THEM6: variants seen among roughly 807,000 people sequenced by gnomAD.
THEM6 encodes the protein thioesterase superfamily member 6, also known as protein THEM6.
Under a neutral mutation model 13.7 loss-of-function variants are expected in THEM6, and 10 were observed. The observed-to-expected ratio is 0.73, with a 90% CI of 0.45 to 1.24. The LOEUF (loss-of-function observed/expected upper bound fraction) is 1.24, where lower values mean the gene tolerates loss of function less well. Ranked by LOEUF, THEM6 falls within the 50% of genes most tolerant of loss-of-function variation. THEM6 has a pLI of 0.00. For synonymous variants in THEM6, 161 were observed against 156.0 expected, an observed-to-expected ratio of 1.03 and a Z score of -0.24; for missense variants, 317 against 312.6, an observed-to-expected ratio of 1.01 and a Z score of -0.11.
Position 142,727,711 on chromosome 8 carries a change from G to C in THEM6, c.365G>C (p.Arg122Pro). The change falls in exon 1 of 2, where the codon CGC becomes CCC. Residue 122 changes from arginine to proline, a missense_variant. Physicochemically the swap from Arg to Pro is moderately radical, Grantham distance 103 (BLOSUM62 -2). Transcript: ENST00000336138. Reference sequence around the variant, plus strand: ...CTGGAGCCCTTCGAGGTGCGCACCCGCCTGCTGGGCTGGGACGACCGCGCG... The same window carrying C: ...CTGGAGCCCTTCGAGGTGCGCACCCCCCTGCTGGGCTGGGACGACCGCGCG... ...RLLEPFEVRT[R>P]LLGWDDRAFY... 2 of 1,433,114 alleles carry C rather than the reference G, an allele frequency of 1.4e-6. No homozygotes were observed. The highest frequency in any genetic ancestry group is 2.4e-4 in the Middle Eastern group (1 of 4,096). The allele number at this position is 1,433,114 out of a possible 1,614,324, so 88.8% of individuals were successfully genotyped here. A position where few individuals can be genotyped will look rare whatever the true frequency, so the allele number is the denominator to read the frequency against.
Position 142,727,932 on chromosome 8 carries a change from C to T in THEM6, c.513+73C>T, listed in dbSNP as rs587743204. 8.1e-5 allele frequency: 109 copies of T among 1,348,038 alleles called. No individual in the cohort carries two copies. In the East Asian group the frequency reaches 3.3e-3, roughly 40 times the overall value. 83.5% of individuals were successfully genotyped at this position (1,348,038 alleles called of 1,614,324 possible). On this transcript the variant is annotated intron_variant, in intron 1 of 1. Transcript: ENST00000336138. ...TCCGGGGGCTCCTCCTAGTCCCTGG[C>T]CCCCTCCCCTAGGGAAGGCCCGCTG...
rs1815758679 is a variant in THEM6 at position 142,736,184 on chromosome 8, G to C, written c.*745G>C. On this transcript the variant is annotated 3_prime_UTR_variant, in exon 2 of 2. Coordinates refer to ENST00000336138, the MANE Select transcript of THEM6 (RefSeq NM_016647.3). ...GGAAAGACAGCAGGCTTCCTGCTGG[G>C]CGTTCCCTTGTTGGAGGGAATAGAG... 1 of 152,472 alleles carries C rather than the reference G, an allele frequency of 6.6e-6. No individual in the cohort carries two copies. Among genetic ancestry groups the C allele is most frequent in the African/African-American group, 2.4e-5 (1 of 41,454 alleles). 9.4% of individuals were successfully genotyped at this position (152,472 alleles called of 1,614,324 possible). A position where few individuals can be genotyped will look rare whatever the true frequency, so the allele number is the denominator to read the frequency against.
chr8:142,728,807 A>G (rs1815577479), intron 1 of THEM6, among the ~76,000 whole-genome samples: 2 of 152,192 alleles, frequency 1.3e-5, no homozygotes, highest in Admixed American at 6.5e-5. Flanking sequence ...TGTTCCTGTA[A>G]GAGGAGGAAC....
In THEM6 at chr8:142,736,816, G is replaced by C. The variant is rs887107181; in HGVS notation, c.*1377G>C. The C allele has an allele frequency of 2.0e-5, 3 of 152,294 alleles. No homozygotes were observed. The highest frequency in any genetic ancestry group is 4.4e-5 in the Non-Finnish European group (3 of 68,086). The allele number at this position is 152,294 out of a possible 1,614,324, so 9.4% of individuals were successfully genotyped here. On this transcript the variant is annotated 3_prime_UTR_variant, in exon 2 of 2. Coordinates refer to ENST00000336138, the MANE Select transcript of THEM6 (RefSeq NM_016647.3). ...AGAGTCAAGGGCTGCAGCACTGCCCGATAGAACACGCCCGCCCTCACTGCT... is the reference window on the plus strand; with the variant it reads ...AGAGTCAAGGGCTGCAGCACTGCCCCATAGAACACGCCCGCCCTCACTGCT...
intron 1 of THEM6, among the ~76,000 whole-genome samples, chr8:142,733,177 G>A (rs111264454): frequency 0.012 from 1,900 of 152,312 alleles, 40 homozygotes; most frequent in African/African-American, 0.043. Flanking sequence ...GAGAACAAAG[G>A]AAGGAAGTAA....
chr8:142,727,630 G>C lies in THEM6; in HGVS notation c.284G>C (p.Arg95Pro). 1.3e-6 allele frequency: 2 copies of C among 1,490,882 alleles called. No individual in the cohort carries two copies. The highest frequency in any genetic ancestry group is 1.8e-6 in the Non-Finnish European group (2 of 1,128,674). The allele number at this position is 1,490,882 out of a possible 1,614,324, so 92.4% of individuals were successfully genotyped here. A position where few individuals can be genotyped will look rare whatever the true frequency, so the allele number is the denominator to read the frequency against. ...GTGCTCGGGGCGCTGAGGGAGTTGC[G>C]GGCGCACACGGTGCTGGCGGCCTCG... Reference protein sequence around the residue: ...CGVLGALRELRAHTVLAASCA... With the variant: ...CGVLGALRELPAHTVLAASCA... The change falls in exon 1 of 2, where the codon CGG becomes CCG. Residue 95 changes from arginine (R) to proline (P), a missense_variant. Arg to Pro is a moderately radical substitution (Grantham distance 103). Transcript: ENST00000336138.
rs1465922198 is a variant in THEM6 at position 142,727,406 on chromosome 8, C to G, written c.60C>G (p.Asp20Glu). The G allele has an allele frequency of 6.5e-7, 1 of 1,533,078 alleles. No homozygotes were observed. Among genetic ancestry groups the G allele is most frequent in the African/African-American group, 1.4e-5 (1 of 71,008 alleles). 95.0% of individuals were successfully genotyped at this position (1,533,078 alleles called of 1,614,324 possible). Residue 20 changes from aspartate to glutamate, a missense_variant, in exon 1 of 2, where the codon GAC (aspartate) becomes GAG (glutamate). Physicochemically the swap from Asp to Glu is conservative, Grantham distance 45. Coordinates refer to ENST00000336138, the MANE Select transcript of THEM6 (RefSeq NM_016647.3). ...ALGLAVFALL[D>E]VWYLVRLPCA... ...GGCTCGCTGTCTTTGCGCTGCTGGA[C>G]GTCTGGTACCTGGTGCGCCTTCCGT...
chr8:142,735,284 A>C (rs3736009), intron 1 of THEM6, 42 bp from the exon 2 acceptor site: 71,232 of 1,438,722 alleles, frequency 0.05, 2,060 homozygotes, highest in East Asian at 0.091. Context: ...AGAGGTGGGA[A>C]GGCCGTAGCT....
Position 142,727,441 on chromosome 8 carries a change from T to A in THEM6, c.95T>A (p.Leu32Gln). The A allele has an allele frequency of 6.4e-7, 1 of 1,553,906 alleles. No individual in the cohort carries two copies. Among genetic ancestry groups the A allele is most frequent in the Non-Finnish European group, 8.6e-7 (1 of 1,157,396 alleles). Reference protein sequence around the residue: ...WYLVRLPCAVLRARLLQPRVR... With the variant: ...WYLVRLPCAVQRARLLQPRVR... ...CTGGTGCGCCTTCCGTGCGCCGTGCTGCGCGCGCGCCTGCTGCAGCCGCGC... is the reference window on the plus strand; with the variant it reads ...CTGGTGCGCCTTCCGTGCGCCGTGCAGCGCGCGCGCCTGCTGCAGCCGCGC... The change falls in exon 1 of 2, where the codon CTG becomes CAG. Residue 32 changes from leucine (L) to glutamine (Q), a missense_variant. Leu to Gln is a moderately radical substitution (Grantham distance 113). Coordinates refer to ENST00000336138, the MANE Select transcript of THEM6 (RefSeq NM_016647.3).
At chr8:142,731,249 CAG>C (rs1815641450) in intron 1 of THEM6, among the ~76,000 whole-genome samples, 1 of 152,192 alleles carries the variant, frequency 6.6e-6, no homozygotes. Context: ...TGTTTACACA[CAG>C]AATTTCCTTT....
intron 1 of THEM6, among the ~76,000 whole-genome samples, chr8:142,731,411 G>GT (rs782266809): frequency 3.8e-4 from 57 of 149,890 alleles, no homozygotes; most frequent in East Asian, 5.8e-4. Context: ...TATATAAACT[G>GT]TTTTTTTTTA....
rs984327200 is a variant in THEM6, at chr8:142,727,448, G to T, written c.102G>T (p.Ala34=). Residue 34 remains alanine (A), a synonymous_variant, in exon 1 of 2, where the codon GCG becomes GCT. Coordinates refer to ENST00000336138, the MANE Select transcript of THEM6 (RefSeq NM_016647.3). ...GCCTTCCGTGCGCCGTGCTGCGCGC[G>T]CGCCTGCTGCAGCCGCGCGTCCGTG... is the stretch of plus-strand genomic sequence containing the variant. ...LVRLPCAVLR[A]RLLQPRVRDL... 2 of 1,558,344 alleles carry T rather than the reference G, an allele frequency of 1.3e-6. No individual in the cohort carries two copies. Among genetic ancestry groups the T allele is most frequent in the Middle Eastern group, 1.7e-4 (1 of 5,848 alleles).
At chr8:142,728,874 G>T (rs1815580024) in intron 1 of THEM6, among the ~76,000 whole-genome samples, 1 of 151,212 alleles carries the variant, frequency 6.6e-6, no homozygotes, top group African/African-American at 2.4e-5. Context: ...TGCTACAAGG[G>T]TTTGTGATAA....
In THEM6 at chr8:142,735,613, C is replaced by T; in HGVS notation, c.*174C>T. 1.7e-6 allele frequency: 1 copy of T among 591,742 alleles called. No individual in the cohort carries two copies. Among genetic ancestry groups the T allele is most frequent in the Non-Finnish European group, 3.0e-6 (1 of 328,142 alleles). 36.7% of individuals were successfully genotyped at this position (591,742 alleles called of 1,614,324 possible). A position where few individuals can be genotyped will look rare whatever the true frequency, so the allele number is the denominator to read the frequency against. Reference sequence around the variant, plus strand: ...ATTGATACCCCTCTGTGCTGGGCTCCACGCTAGGCAGAAGGAGGAGTGGCA... The same window carrying T: ...ATTGATACCCCTCTGTGCTGGGCTCTACGCTAGGCAGAAGGAGGAGTGGCA... On this transcript the variant is annotated 3_prime_UTR_variant, in exon 2 of 2. Transcript: ENST00000336138.
chr8:142,727,265 C>T lies in THEM6; in HGVS notation c.-82C>T. 4 of 1,338,276 alleles carry T rather than the reference C, an allele frequency of 3.0e-6. No individual in the cohort carries two copies. Among genetic ancestry groups the T allele is most frequent in the Non-Finnish European group, 3.8e-6 (4 of 1,039,172 alleles). The allele number at this position is 1,338,276 out of a possible 1,614,324, so 82.9% of individuals were successfully genotyped here. On this transcript the variant is annotated 5_prime_UTR_variant, in exon 1 of 2. Coordinates refer to ENST00000336138, the MANE Select transcript of THEM6 (RefSeq NM_016647.3). ...CTGCGCTCGTGAGTTCCCAGGAGGC[C>T]TGGCGGGCACCGTAACCAGCGCCGC...
At chr8:142,733,307 G>A (rs1815692155) in intron 1 of THEM6, among the ~76,000 whole-genome samples, 1 of 152,206 alleles carries the variant, frequency 6.6e-6, no homozygotes, top group South Asian at 2.1e-4. Flanking sequence ...CTAAATTGTG[G>A]GAGCTAAGAA....
At chr8:142,729,410 C>A (rs191448615) in intron 1 of THEM6, among the ~76,000 whole-genome samples, 2 of 152,150 alleles carry the variant, frequency 1.3e-5, no homozygotes, top group Admixed American at 1.3e-4. Flanking sequence ...GTGTAACAAT[C>A]GCTTTTATTT....
Position 142,734,804 on chromosome 8 carries a change from A to C in THEM6, c.514-522A>C, listed in dbSNP as rs77430447. ...CTGGGAGCTCCCAATGCCCATCTGC[A>C]AGGCTGTGGACCCCTCAGGAGTGGC... On this transcript the variant is annotated intron_variant, in intron 1 of 1. Transcript: ENST00000336138. 985 of 155,256 alleles carry C rather than the reference A, an allele frequency of 6.3e-3. 6 individuals are homozygous for C. The highest frequency in any genetic ancestry group is 8.6e-3 in the Admixed American group (135 of 15,730). The allele number at this position is 155,256 out of a possible 1,614,324, so 9.6% of individuals were successfully genotyped here.
chr8:142,729,463 G>A (rs1448185308), intron 1 of THEM6, among the ~76,000 whole-genome samples: 2 of 152,096 alleles, frequency 1.3e-5, no homozygotes, highest in African/African-American at 2.4e-5. Context: ...CCAGGGATTT[G>A]CATCTTGATA....
Sources: allele counts gnomAD v4.1 joint callset (sites outside exome capture counted in the v4.1 genomes callset), GRCh38; gene constraint gnomAD v4.1.1; transcripts MANE v1.5; gene names NCBI Gene and HGNC (gene_info 2026-07-23, HGNC 2026-07-21).